Variants in PBX1 observed in about 807,000 individuals in gnomAD.
PBX1 encodes pre-B-cell leukemia transcription factor 1.
Under a neutral mutation model 53.4 loss-of-function variants are expected in PBX1, and 6 were observed. The observed-to-expected ratio is 0.11, with a 90% CI of 0.06 to 0.22. The LOEUF (loss-of-function observed/expected upper bound fraction) is 0.22. Among genes scored for constraint, PBX1 ranks in the 10% least tolerant of loss-of-function variants. The pLI, the probability that PBX1 is intolerant of heterozygous loss-of-function variation, is 1.00. For missense variants in PBX1, 251 were observed against 551.4 expected (o/e 0.46, Z 5.46); for synonymous variants, 204 against 212.3 (o/e 0.96, Z 0.34).
At chr1:164,603,770 CTT>C (rs1656337807) in intron 2 of PBX1, among the ~76,000 whole-genome samples, 2 of 151,980 alleles carry the variant, frequency 1.3e-5, no homozygotes, top group South Asian at 4.1e-4. Flanking sequence ...AGAGACATCT[CTT>C]TTATACATTT....
At chr1:164,782,369 A>G (rs985413183) in intron 2 of PBX1, among the ~76,000 whole-genome samples, 2 of 152,134 alleles carry the variant, frequency 1.3e-5, no homozygotes, top group Non-Finnish European at 2.9e-5. Context: ...CACCTGGCAG[A>G]GGTTTGCATT....
intron 2 of PBX1, among the ~76,000 whole-genome samples, chr1:164,735,193 A>G (rs145348254): frequency 1.9e-3 from 282 of 152,374 alleles, no homozygotes; most frequent in African/African-American, 6.4e-3. Flanking sequence ...CTGTTTAGAT[A>G]GAAGTATCCA....
At chr1:164,670,188 C>T (rs1049095514) in intron 2 of PBX1, among the ~76,000 whole-genome samples, 1 of 152,214 alleles carries the variant, frequency 6.6e-6, no homozygotes, top group Non-Finnish European at 1.5e-5. Context: ...TTTACACCCT[C>T]AGGGAGGTCC....
intron 2 of PBX1, among the ~76,000 whole-genome samples, chr1:164,704,086 G>A (rs535213275): frequency 2.6e-5 from 4 of 152,152 alleles, no homozygotes; most frequent in Admixed American, 6.5e-5. Context: ...CCTGTTAGCT[G>A]TAATCTGAAG....
chr1:164,616,757 A>G (rs1171332222), intron 2 of PBX1, among the ~76,000 whole-genome samples: 1 of 152,238 alleles, frequency 6.6e-6, no homozygotes, highest in Non-Finnish European at 1.5e-5. Context: ...CCGTCCTTTT[A>G]CATGCAGTGA....
intron 2 of PBX1, among the ~76,000 whole-genome samples, chr1:164,643,674 G>T (rs993443167): frequency 1.3e-5 from 2 of 152,112 alleles, no homozygotes; most frequent in African/African-American, 4.8e-5. Flanking sequence ...GACATGCTGG[G>T]CATACTACTG....
chr1:164,685,897 G>T (rs1252393152), intron 2 of PBX1, among the ~76,000 whole-genome samples: 1 of 152,134 alleles, frequency 6.6e-6, no homozygotes, highest in Non-Finnish European at 1.5e-5. Context: ...TCAGACCATG[G>T]TTTTCTTGCA....
At chr1:164,676,493 G>A (rs562191077) in intron 2 of PBX1, among the ~76,000 whole-genome samples, 13 of 152,278 alleles carry the variant, frequency 8.5e-5, no homozygotes, top group South Asian at 6.2e-4. Context: ...CCATGCCCAA[G>A]CAAGATGGTT....
Position 164,807,685 on chromosome 1 carries a change from G to A in PBX1, c.837+8G>A, listed in dbSNP as rs756169348. ...GGCATCACAGTCTCCCAGGTAAGCA[G>A]CACCTCAAAAGCCTCAGCCTGTAGC... On this transcript the variant is annotated splice_region_variant and intron_variant, in intron 5 of 8. Transcript: ENST00000420696. 3.7e-6 allele frequency: 6 copies of A among 1,613,726 alleles called. No homozygotes were observed. In the Middle Eastern group the frequency reaches 5.0e-4, roughly 133 times the overall value.
chr1:164,861,263 A>C (rs1558050696), intron 2 of PBX1, among the ~76,000 whole-genome samples: 1 of 152,170 alleles, frequency 6.6e-6, no homozygotes, highest in Non-Finnish European at 1.5e-5. Flanking sequence ...ATTACACAGC[A>C]GGTATGAAGA....
At chr1:164,560,070 CA>C (rs1174740253) in intron 1 of PBX1, 57 bp downstream of exon 1, 1 of 1,210,582 alleles carries the variant, frequency 8.3e-7, no homozygotes, top group Admixed American at 3.9e-5. Flanking sequence ...CTTCCTCTTG[CA>C]GGGGGAAACA....
chr1:164,684,827 T>C (rs1662006552), intron 2 of PBX1: 1 of 152,230 alleles, frequency 6.6e-6, no homozygotes, highest in Non-Finnish European at 1.5e-5. Flanking sequence ...CCCCTCCCGA[T>C]ATATTTACAG....
intron 2 of PBX1, among the ~76,000 whole-genome samples, chr1:164,691,147 T>C (rs373082964): frequency 9.9e-5 from 15 of 151,192 alleles, no homozygotes; most frequent in African/African-American, 3.2e-4. Flanking sequence ...CTTGAATAGC[T>C]GGGATTACAG....
At chr1:164,761,814 A>G (rs533750954) in intron 2 of PBX1, among the ~76,000 whole-genome samples, 1 of 152,104 alleles carries the variant, frequency 6.6e-6, no homozygotes, top group South Asian at 2.1e-4. Context: ...CTATACCTTT[A>G]TTTGGATCAG....
chr1:164,584,419 G>T (rs1207633934), intron 2 of PBX1, among the ~76,000 whole-genome samples: 1 of 152,080 alleles, frequency 6.6e-6, no homozygotes, highest in African/African-American at 2.4e-5. Flanking sequence ...AAGGATACTA[G>T]TTTGTTCATC....
At position 164,851,142 on chromosome 1, in the gene PBX1, C is replaced by T. The variant is rs1053278828; in HGVS notation, c.*4466C>T. Reference sequence around the variant, plus strand: ...TTCACAGAGTACACCTCTTAGTAACCTCTGACTTAGGCAGCTGCTTAAAGC... The same window carrying T: ...TTCACAGAGTACACCTCTTAGTAACTTCTGACTTAGGCAGCTGCTTAAAGC... On this transcript the variant is annotated 3_prime_UTR_variant, in exon 9 of 9. Transcript: ENST00000420696. 9.1e-6 allele frequency: 2 copies of T among 219,044 alleles called. No individual in the cohort carries two copies. Among genetic ancestry groups the T allele is most frequent in the Non-Finnish European group, 1.8e-5 (2 of 109,226 alleles). 13.6% of individuals were successfully genotyped at this position (219,044 alleles called of 1,614,324 possible). A position where few individuals can be genotyped will look rare whatever the true frequency, so the allele number is the denominator to read the frequency against.
At chr1:164,708,729 A>G (rs1663589550) in intron 2 of PBX1, among the ~76,000 whole-genome samples, 1 of 152,248 alleles carries the variant, frequency 6.6e-6, no homozygotes, top group Non-Finnish European at 1.5e-5. Flanking sequence ...AATCTTTACA[A>G]CAAATATATG....
chr1:164,870,452 C>A (rs906090599), intron 2 of PBX1, among the ~76,000 whole-genome samples: 1 of 151,734 alleles, frequency 6.6e-6, no homozygotes, highest in Non-Finnish European at 1.5e-5. Flanking sequence ...TCAAGCAATT[C>A]TCTTGTCTCA....
chr1:164,689,566 C>A (rs982636878), intron 2 of PBX1, among the ~76,000 whole-genome samples: 1 of 152,142 alleles, frequency 6.6e-6, no homozygotes, highest in South Asian at 2.1e-4. Flanking sequence ...ATAGCTATAT[C>A]CATTTCCTGG....
Sources: allele counts gnomAD v4.1 joint callset (sites outside exome capture counted in the v4.1 genomes callset), GRCh38; gene constraint gnomAD v4.1.1; transcripts MANE v1.5; gene names NCBI Gene and HGNC (gene_info 2026-07-23, HGNC 2026-07-21).